SENP7: variants seen among roughly 807,000 people sequenced by gnomAD.
The protein encoded by SENP7 is SUMO specific peptidase 7.
A neutral mutation model predicts 141.2 loss-of-function variants in SENP7; 64 were observed. The observed-to-expected ratio is 0.45, with a 90% CI of 0.37 to 0.56. The LOEUF (loss-of-function observed/expected upper bound fraction) is 0.56. Among genes scored for constraint, SENP7 ranks in the 20% least tolerant of loss-of-function variants. The pLI is 0.00. For synonymous variants in SENP7, 382 were observed against 426.4 expected (o/e 0.90, Z 1.28); for missense variants, 1,025 against 1,212.2 (o/e 0.85, Z 2.29).
chr3:101,481,064 T>A (rs1326022668), intron 3 of SENP7, among the ~76,000 whole-genome samples: 2 of 146,188 alleles, frequency 1.4e-5, no homozygotes, highest in Non-Finnish European at 3.0e-5. Context: ...AAAAACAGTA[T>A]GGAGATTTCC....
chr3:101,511,938 G>A (rs2065877264), intron 1 of SENP7, among the ~76,000 whole-genome samples: 1 of 152,154 alleles, frequency 6.6e-6, no homozygotes, highest in Non-Finnish European at 1.5e-5. Context: ...TCCTGCCTCA[G>A]CCTCCTGAGT....
chr3:101,472,405 A>ATAG (rs1245848187), intron 3 of SENP7, among the ~76,000 whole-genome samples: 1,623 of 152,328 alleles, frequency 0.011, 21 homozygotes, highest in African/African-American at 0.036. Context: ...ACAAGGACAG[A>ATAG]AAACCAAACA....
At chr3:101,397,863 T>C (rs2061014872) in intron 6 of SENP7, among the ~76,000 whole-genome samples, 1 of 152,184 alleles carries the variant, frequency 6.6e-6, no homozygotes, top group African/African-American at 2.4e-5. Flanking sequence ...CAGAAGCTTG[T>C]AGCAAATGGA....
At chr3:101,361,590 C>T (rs1341239676) in intron 11 of SENP7, 125 bp downstream of exon 11, 1 of 1,035,978 alleles carries the variant, frequency 9.7e-7, no homozygotes, top group Non-Finnish European at 1.3e-6. Flanking sequence ...TTCAACATAT[C>T]CAAAGTGTCC....
At chr3:101,408,447 A>G (rs977913081) in intron 5 of SENP7, among the ~76,000 whole-genome samples, 1 of 152,160 alleles carries the variant, frequency 6.6e-6, no homozygotes, top group African/African-American at 2.4e-5. Flanking sequence ...AGACAGCATC[A>G]CCTTAATACC....
At chr3:101,345,340 G>T (rs1207899100) in intron 13 of SENP7, among the ~76,000 whole-genome samples, 1 of 152,182 alleles carries the variant, frequency 6.6e-6, no homozygotes, top group Non-Finnish European at 1.5e-5. Flanking sequence ...ACCCATCCAT[G>T]AGCATGGGAT....
intron 4 of SENP7, among the ~76,000 whole-genome samples, chr3:101,422,750 T>C (rs968282094): frequency 3.3e-5 from 5 of 152,142 alleles, no homozygotes; most frequent in Admixed American, 3.3e-4. Flanking sequence ...ATAAGAAATA[T>C]ACTGTATCTT....
intron 4 of SENP7, among the ~76,000 whole-genome samples, chr3:101,420,985 C>A (rs1206662054): frequency 1.3e-5 from 2 of 151,788 alleles, no homozygotes; most frequent in East Asian, 3.9e-4. Flanking sequence ...GCAGTTTTGG[C>A]CAAATAGATT....
intron 4 of SENP7, among the ~76,000 whole-genome samples, chr3:101,456,941 TTTTTGTTTTGTTTTG>T (rs57842838): frequency 0.35 from 52,815 of 150,166 alleles, 9,819 homozygotes; most frequent in Admixed American, 0.49. Flanking sequence ...TGATATAAGC[TTTTTGTTTTGTTTTG>T]TTTTGTTTTG....
At chr3:101,414,754 A>G in intron 5 of SENP7, 1 of 615,310 alleles carries the variant, frequency 1.6e-6, no homozygotes, top group South Asian at 2.1e-5. Flanking sequence ...CCACAAGTGT[A>G]ATGCATATGT....
At chr3:101,330,879 G>C (rs2059030391) in intron 19 of SENP7, among the ~76,000 whole-genome samples, 1 of 152,126 alleles carries the variant, frequency 6.6e-6, no homozygotes, top group South Asian at 2.1e-4. Context: ...TCAGCTTACT[G>C]CTTAGGCTAC....
chr3:101,492,493 A>C (rs1305483387), intron 3 of SENP7, among the ~76,000 whole-genome samples: 2 of 152,212 alleles, frequency 1.3e-5, no homozygotes, highest in African/African-American at 4.8e-5. Context: ...ACTGAATTGT[A>C]TTCCCCCAAA....
chr3:101,377,047 A>C (rs537315949), intron 6 of SENP7, among the ~76,000 whole-genome samples: 7 of 152,314 alleles, frequency 4.6e-5, no homozygotes, highest in Non-Finnish European at 8.8e-5. Context: ...ATGGAAGTAA[A>C]GAAATTATAG....
intron 20 of SENP7, among the ~76,000 whole-genome samples, chr3:101,329,972 GAAGA>G (rs1366508441): frequency 3.8e-4 from 57 of 149,088 alleles, no homozygotes; most frequent in African/African-American, 1.3e-3. Flanking sequence ...AAAAAAAAAG[GAAGA>G]AAGAAAGAAA....
intron 3 of SENP7, among the ~76,000 whole-genome samples, chr3:101,483,414 T>A (rs1160872402): frequency 1.3e-5 from 2 of 152,072 alleles, no homozygotes; most frequent in African/African-American, 2.4e-5. Flanking sequence ...GAGCTAAACA[T>A]TGGGTAATCA....
At chr3:101,513,019 G>A (rs2065927753) in intron 1 of SENP7, 72 bp downstream of exon 1, 2 of 1,540,662 alleles carry the variant, frequency 1.3e-6, no homozygotes, top group Non-Finnish European at 9.0e-7. Flanking sequence ...CGCAACCCCA[G>A]CTGCCGCCTG....
intron 3 of SENP7, among the ~76,000 whole-genome samples, chr3:101,466,864 C>A (rs544419580): frequency 1.3e-5 from 2 of 152,310 alleles, no homozygotes; most frequent in East Asian, 3.9e-4. Flanking sequence ...AGAGGGCAAG[C>A]TGAAGCAGGG....
At chr3:101,375,612 C>T (rs958967088) in intron 6 of SENP7, among the ~76,000 whole-genome samples, 1 of 150,664 alleles carries the variant, frequency 6.6e-6, no homozygotes, top group African/African-American at 2.4e-5. Flanking sequence ...AATCCCACTC[C>T]TAGGTATATA....
At chr3:101,361,898 T>C in intron 10 of SENP7, 37 bp from the exon 11 acceptor site, 2 of 1,559,406 alleles carry the variant, frequency 1.3e-6, no homozygotes, top group Middle Eastern at 1.7e-4. Context: ...ATATAATTCT[T>C]AAGTACTATA....
Sources: gnomAD v4.1 joint callset for allele counts (sites outside exome capture counted in the v4.1 genomes callset) on GRCh38, gnomAD v4.1.1 for gene constraint, MANE v1.5 for transcripts, NCBI Gene and HGNC (gene_info 2026-07-23, HGNC 2026-07-21) for gene names.